The following PPP3R1 variants were observed in gnomAD, a reference collection of about 807,000 sequenced individuals.
PPP3R1 encodes protein phosphatase 3 regulatory subunit B, alpha.
In PPP3R1, 5 loss-of-function variants were observed where a neutral mutation model predicts 22.6. That is an observed-to-expected ratio of 0.22 (90% CI 0.12 to 0.46). The LOEUF (loss-of-function observed/expected upper bound fraction) is 0.46, where lower values mean the gene tolerates loss of function less well. Among genes scored for constraint, PPP3R1 ranks in the 20% least tolerant of loss-of-function variants. PPP3R1 has a pLI of 0.99. For missense variants in PPP3R1, 61 were observed against 203.2 expected (o/e 0.30, Z 4.25); for synonymous variants, 56 against 65.2 (o/e 0.86, Z 0.68).
chr2:68,220,241 G>A (rs988047387), intron 1 of PPP3R1, among the ~76,000 whole-genome samples: 4 of 152,178 alleles, frequency 2.6e-5, no homozygotes, highest in South Asian at 2.1e-4. Context: ...CATGAAGTTC[G>A]TATGGCCAAG....
chr2:68,214,990 C>T (rs969359784), intron 2 of PPP3R1, among the ~76,000 whole-genome samples: 1 of 152,094 alleles, frequency 6.6e-6, no homozygotes, highest in African/African-American at 2.4e-5. Context: ...TGCAGCAACA[C>T]GGATGCAGCC....
At chr2:68,250,774 A>T (rs533162433) in intron 1 of PPP3R1, among the ~76,000 whole-genome samples, 5 of 152,328 alleles carry the variant, frequency 3.3e-5, no homozygotes, top group African/African-American at 9.6e-5. Flanking sequence ...TGCACCAGTA[A>T]GCACTTACTC....
At chr2:68,191,340 T>C (rs987527201) in intron 2 of PPP3R1, among the ~76,000 whole-genome samples, 1 of 152,212 alleles carries the variant, frequency 6.6e-6, no homozygotes, top group African/African-American at 2.4e-5. Flanking sequence ...TAGGCAATTG[T>C]AACACAATGC....
rs1380774404 is a variant in PPP3R1, at chr2:68,229,901, GGTGT to G, written c.4-12774_4-12771del. Among the ~76,000 whole-genome samples, 7 of 147,602 alleles carry G rather than the reference GGTGT, an allele frequency of 4.7e-5. No individual in the cohort carries two copies. The East Asian group carries it at 6.0e-4, about 13-fold the overall frequency. ...ATGTATGTGTGTATATATATATACG[GGTGT>G]GTGTGTATATGTGTATATATATGTG... On this transcript the variant is annotated intron_variant, in intron 1 of 5. Transcript: ENST00000234310.
chr2:68,232,122 T>TACACACACACACACAC (rs1165774321), intron 1 of PPP3R1, among the ~76,000 whole-genome samples: 35 of 48,166 alleles, frequency 7.3e-4, no homozygotes, highest in African/African-American at 3.2e-3. Context: ...TATATATATA[T>TACACACACACACACAC]ATACACACAC....
chr2:68,210,843 T>A (rs1189081088), intron 2 of PPP3R1, among the ~76,000 whole-genome samples: 3 of 152,200 alleles, frequency 2.0e-5, no homozygotes, highest in Non-Finnish European at 4.4e-5. Flanking sequence ...AGTGTTGACA[T>A]GGCATGCAAA....
At chr2:68,232,223 A>ATGTGTGTGTGTG (rs76815812) in intron 1 of PPP3R1, among the ~76,000 whole-genome samples, 1 of 45,760 alleles carries the variant, frequency 2.2e-5, no homozygotes, top group Non-Finnish European at 3.9e-5. Flanking sequence ...ATATGTATAT[A>ATGTGTGTGTGTG]TGTGTGTGTG....
intron 2 of PPP3R1, among the ~76,000 whole-genome samples, chr2:68,198,546 TTTCA>T (rs1674886516): frequency 6.6e-6 from 1 of 151,654 alleles, no homozygotes; most frequent in African/African-American, 2.4e-5. Flanking sequence ...CTCTATTCTG[TTTCA>T]TTGATTTTAG....
rs66891931 is a variant in PPP3R1 at position 68,217,011 on chromosome 2, TACACACACACACAC to T, written c.43+67_43+80del. On this transcript the variant is annotated intron_variant, in intron 2 of 5. Coordinates refer to ENST00000234310, the MANE Select transcript of PPP3R1 (RefSeq NM_000945.4). ...GTAAATATACATTACAGAGGTATGATACACACACACACACACACACACACACACAGAGAGAGATG... is the reference window on the plus strand; with the variant it reads ...GTAAATATACATTACAGAGGTATGATACACACACACACACAGAGAGAGATG... 39 of 771,048 alleles carry T rather than the reference TACACACACACACAC, an allele frequency of 5.1e-5. 1 individual carries two copies. In the Middle Eastern group the frequency reaches 1.2e-3, roughly 25 times the overall value. The allele number at this position is 771,048 out of a possible 1,614,324, so 47.8% of individuals were successfully genotyped here.
At position 68,252,423 on chromosome 2, in the gene PPP3R1, G is replaced by T. The variant is rs1404095509; in HGVS notation, c.-296C>A. 3.0e-6 allele frequency: 3 copies of T among 994,756 alleles called. No individual in the cohort carries two copies. The highest frequency in any genetic ancestry group is 3.6e-6 in the Non-Finnish European group (3 of 836,936). The allele number at this position is 994,756 out of a possible 1,614,324, so 61.6% of individuals were successfully genotyped here. ...GAGGCAGAGAAGAAGAAAGGAGGGG[G>T]AGAGGGGGCGAAGACGGCCGGGAAA... On this transcript the variant is annotated 5_prime_UTR_variant, in exon 1 of 6. Transcript: ENST00000234310.
intron 2 of PPP3R1, among the ~76,000 whole-genome samples, chr2:68,196,478 G>C (rs553873364): frequency 6.6e-6 from 1 of 152,128 alleles, no homozygotes; most frequent in Non-Finnish European, 1.5e-5. Context: ...TATTATGACA[G>C]ACTTGAAATA....
chr2:68,209,894 TGACCAAA>T (rs1419649355), intron 2 of PPP3R1, among the ~76,000 whole-genome samples: 1 of 152,040 alleles, frequency 6.6e-6, no homozygotes, highest in East Asian at 1.9e-4. Flanking sequence ...AATAAAGAGC[TGACCAAA>T]GACCACTCTA....
At chr2:68,225,311 G>C (rs948835592) in intron 1 of PPP3R1, among the ~76,000 whole-genome samples, 1 of 152,208 alleles carries the variant, frequency 6.6e-6, no homozygotes, top group African/African-American at 2.4e-5. Context: ...AGGTGAAAAT[G>C]AAAGAGTCAA....
At chr2:68,200,131 T>C (rs1176777292) in intron 2 of PPP3R1, among the ~76,000 whole-genome samples, 3 of 152,222 alleles carry the variant, frequency 2.0e-5, no homozygotes, top group East Asian at 3.8e-4. Flanking sequence ...TTGTCAGTTT[T>C]AGTAATTTGT....
At chr2:68,250,752 C>G (rs1670331465) in intron 1 of PPP3R1, among the ~76,000 whole-genome samples, 1 of 152,196 alleles carries the variant, frequency 6.6e-6, no homozygotes, top group East Asian at 1.9e-4. Context: ...TGCTCTTAAT[C>G]TGGGTTTTAA....
At chr2:68,220,161 A>C (rs1019629678) in intron 1 of PPP3R1, among the ~76,000 whole-genome samples, 3 of 152,248 alleles carry the variant, frequency 2.0e-5, no homozygotes, top group African/African-American at 7.2e-5. Flanking sequence ...GAAAGTTTCC[A>C]GGTTGCAGCA....
chr2:68,241,719 C>T (rs1225970212), intron 1 of PPP3R1, among the ~76,000 whole-genome samples: 1 of 152,064 alleles, frequency 6.6e-6, no homozygotes, highest in Admixed American at 6.5e-5. Flanking sequence ...AGGCACATGC[C>T]TGTAATCCCA....
chr2:68,225,880 A>G (rs1381288494), intron 1 of PPP3R1, among the ~76,000 whole-genome samples: 2 of 152,222 alleles, frequency 1.3e-5, no homozygotes, highest in African/African-American at 2.4e-5. Context: ...CTGTACTCAC[A>G]TGTCCACAGC....
intron 2 of PPP3R1, among the ~76,000 whole-genome samples, chr2:68,212,106 G>GGC (rs1363680810): frequency 6.6e-6 from 1 of 151,896 alleles, no homozygotes. Context: ...TTGGAGACAA[G>GGC]GTCTCGCTCT....
Sources: allele counts gnomAD v4.1 joint callset (sites outside exome capture counted in the v4.1 genomes callset), GRCh38; gene constraint gnomAD v4.1.1; transcripts MANE v1.5; gene names NCBI Gene and HGNC (gene_info 2026-07-23, HGNC 2026-07-21).